The following CRK variants were observed in gnomAD, a reference collection of about 807,000 sequenced individuals.
CRK encodes adapter molecule crk.
Under a neutral mutation model 29.8 loss-of-function variants are expected in CRK, and 4 were observed. The ratio of observed to expected loss-of-function variants is 0.13; its 90% confidence interval spans 0.07 to 0.31. The LOEUF (loss-of-function observed/expected upper bound fraction) is 0.31. CRK is among the 10% of genes least tolerant of loss of function. The probability of loss-of-function intolerance (pLI) is 1.00; values close to 1 mark genes in which losing one functional copy is unlikely to be tolerated. For synonymous variants in CRK, 153 were observed against 164.9 expected (o/e 0.93, Z 0.55); for missense variants, 274 against 396.5 (o/e 0.69, Z 2.62).
At chr17:1,437,352 G>A (rs1044058587) in intron 1 of CRK, among the ~76,000 whole-genome samples, 197 bp from the exon 2 acceptor site, 5 of 151,698 alleles carry the variant, frequency 3.3e-5, no homozygotes, top group Non-Finnish European at 5.9e-5. Context: ...GTGCCTGGCC[G>A]AAATGGAGCT....
rs200149433 is a variant in CRK at position 1,423,487 on chromosome 17, C to T, written c.*26G>A. On this transcript the variant is annotated 3_prime_UTR_variant, in exon 3 of 3. Transcript: ENST00000300574. ...AAAAAAAAAAAAAGATTGTTCCCAT[C>T]TGTCAGCAAAACTGTTGAACTATAC... The T allele has an allele frequency of 1.3e-6, 2 of 1,583,812 alleles. No individual in the cohort carries two copies. Among genetic ancestry groups the T allele is most frequent in the Non-Finnish European group, 1.7e-6 (2 of 1,165,186 alleles).
In CRK at chr17:1,421,556, C is replaced by T. The variant is rs2073724502; in HGVS notation, c.*1957G>A. ...GTTTAACGTCTTTATCAAGCATGAC[C>T]TTAGTGTGAGGTAAAATACATTAAA... On this transcript the variant is annotated 3_prime_UTR_variant, in exon 3 of 3. Transcript: ENST00000300574. 6.6e-6 allele frequency: 1 copy of T among 152,166 alleles called. No homozygotes were observed. The highest frequency in any genetic ancestry group is 6.6e-5 in the Admixed American group (1 of 15,250). The allele number at this position is 152,166 out of a possible 1,614,324, so 9.4% of individuals were successfully genotyped here. A position where few individuals can be genotyped will look rare whatever the true frequency, so the allele number is the denominator to read the frequency against.
chr17:1,432,895 C>G (rs944362498), intron 2 of CRK, among the ~76,000 whole-genome samples: 1 of 152,146 alleles, frequency 6.6e-6, no homozygotes, highest in African/African-American at 2.4e-5. Context: ...CCACAATCCA[C>G]AAAACACCTA....
intron 1 of CRK, among the ~76,000 whole-genome samples, chr17:1,455,439 C>T (rs953583670): frequency 2.6e-5 from 4 of 152,204 alleles, no homozygotes; most frequent in African/African-American, 9.7e-5. Context: ...ACGGCCAAAC[C>T]CGGCTCTCCA....
chr17:1,450,946 A>G (rs1393461375), intron 1 of CRK, among the ~76,000 whole-genome samples: 1 of 151,886 alleles, frequency 6.6e-6, no homozygotes. Flanking sequence ...TAATCCCAGC[A>G]CTTTAGGAGG....
intron 2 of CRK, among the ~76,000 whole-genome samples, chr17:1,433,263 C>T (rs990186901): frequency 2.0e-5 from 3 of 152,196 alleles, no homozygotes; most frequent in African/African-American, 7.2e-5. Flanking sequence ...ACCCAGGTGA[C>T]TGCTTTTCTA....
intron 2 of CRK, among the ~76,000 whole-genome samples, chr17:1,429,615 C>T (rs1568009614): frequency 1.6e-5 from 2 of 121,700 alleles, no homozygotes; most frequent in African/African-American, 6.5e-5. Context: ...CACAGTGAAA[C>T]TCTGTCTCTC....
At position 1,448,604 on chromosome 17, in the gene CRK, G is replaced by C. The variant is rs190291796; in HGVS notation, c.241+7273C>G. On this transcript the variant is annotated intron_variant, in intron 1 of 2. Transcript: ENST00000300574. ...TGCCATTGCACTCCAGCCTGGGTGA[G>C]AGCAAGACTCCATCTCAAAAAAAAA... is the stretch of plus-strand genomic sequence containing the variant. Among the ~76,000 whole-genome samples the C allele has an allele frequency of 2.7e-3, 331 of 123,568 alleles. 1 individual carries two copies. The highest frequency in any genetic ancestry group is 0.01 in the African/African-American group (320 of 30,786). 81.1% of individuals were successfully genotyped at this position (123,568 alleles called of 152,430 possible).
chr17:1,440,248 G>A (rs990883394), intron 1 of CRK, among the ~76,000 whole-genome samples: 1 of 150,436 alleles, frequency 6.6e-6, no homozygotes, highest in South Asian at 2.1e-4. Flanking sequence ...GCGGTGAGCC[G>A]AGATCGCGCC....
chr17:1,429,967 C>G (rs764635271), intron 2 of CRK, among the ~76,000 whole-genome samples: 1 of 150,288 alleles, frequency 6.7e-6, no homozygotes, highest in Non-Finnish European at 1.5e-5. Flanking sequence ...CGAATCTTTT[C>G]TTTACAGATG....
In CRK at chr17:1,437,163, A is replaced by G. The variant is rs1284486241; in HGVS notation, c.242-8T>C. The G allele has an allele frequency of 2.5e-6, 4 of 1,581,100 alleles. No homozygotes were observed. Among genetic ancestry groups the G allele is most frequent in the Non-Finnish European group, 2.6e-6 (3 of 1,164,716 alleles). Reference sequence around the variant, plus strand: ...GTCTGGAGGGGCTCACCCCTGGAAAAAACAGAGCAGGCTGTTATTTAATGA... The same window carrying G: ...GTCTGGAGGGGCTCACCCCTGGAAAGAACAGAGCAGGCTGTTATTTAATGA... On this transcript the variant is annotated splice_region_variant and splice_polypyrimidine_tract_variant and intron_variant, in intron 1 of 2. Transcript: ENST00000300574.
At chr17:1,438,551 G>A (rs1210814503) in intron 1 of CRK, among the ~76,000 whole-genome samples, 4 of 151,746 alleles carry the variant, frequency 2.6e-5, no homozygotes, top group Non-Finnish European at 2.9e-5. Context: ...ATCAATTCCC[G>A]AGATCGTAAA....
At chr17:1,446,749 G>A (rs913737692) in intron 1 of CRK, among the ~76,000 whole-genome samples, 3 of 151,852 alleles carry the variant, frequency 2.0e-5, no homozygotes, top group Non-Finnish European at 2.9e-5. Context: ...CCGCCACCAC[G>A]CCCGGGTTTT....
intron 1 of CRK, among the ~76,000 whole-genome samples, chr17:1,442,976 CT>C (rs899849868): frequency 1.2e-4 from 12 of 104,276 alleles, no homozygotes; most frequent in Admixed American, 2.0e-4. Context: ...AGCAACCTCC[CT>C]TTCTTTCTTT....
intron 2 of CRK, among the ~76,000 whole-genome samples, chr17:1,427,030 CAAAAAAAAAAAAAAAAAAAAAAAAAAA>C (rs562515421): frequency 2.5e-4 from 9 of 35,306 alleles, no homozygotes; most frequent in East Asian, 2.6e-3. Context: ...AAACTGTCTC[CAAAAAAAAAAAAAAAAAAAAAAAAAAA>C]AAAAAAAAAA....
At chr17:1,444,281 G>A (rs753910436) in intron 1 of CRK, among the ~76,000 whole-genome samples, 1 of 151,578 alleles carries the variant, frequency 6.6e-6, no homozygotes, top group Non-Finnish European at 1.5e-5. Context: ...CCATAGGTGT[G>A]CACCACCACG....
At chr17:1,455,613 G>GC (rs2074050045) in intron 1 of CRK, among the ~76,000 whole-genome samples, 1 of 152,156 alleles carries the variant, frequency 6.6e-6, no homozygotes, top group African/African-American at 2.4e-5. Flanking sequence ...CCGGGAGCCA[G>GC]CCCCACCCTG....
chr17:1,438,271 A>G (rs1413610030), intron 1 of CRK, among the ~76,000 whole-genome samples: 2 of 152,040 alleles, frequency 1.3e-5, no homozygotes, highest in Non-Finnish European at 2.9e-5. Flanking sequence ...CTGGGACTAC[A>G]GGCACGCTCA....
Position 1,429,229 on chromosome 17 carries a change from C to T in CRK, c.778-5579G>A, listed in dbSNP as rs79698695. Among the ~76,000 whole-genome samples the T allele has an allele frequency of 4.0e-3, 613 of 152,160 alleles. 4 individuals carry two copies. The highest frequency in any genetic ancestry group is 0.014 in the African/African-American group (587 of 41,514). ...TTTTTACACCGGGTACGCTGGCCTG[C>T]ACCTGTAGTCCCAGCTACTTGGGAG... is the stretch of plus-strand genomic sequence containing the variant. On this transcript the variant is annotated intron_variant, in intron 2 of 2. Coordinates refer to ENST00000300574, the MANE Select transcript of CRK (RefSeq NM_016823.4).
Sources: gnomAD v4.1 joint callset for allele counts (sites outside exome capture counted in the v4.1 genomes callset) on GRCh38, gnomAD v4.1.1 for gene constraint, MANE v1.5 for transcripts, NCBI Gene and HGNC (gene_info 2026-07-23, HGNC 2026-07-21) for gene names.